Variants in TKFC observed in about 807,000 individuals in gnomAD.
TKFC encodes the protein triokinase and FMN cyclase.
TKFC carries 46 observed loss-of-function variants against 61.0 expected under a neutral mutation model. The observed-to-expected ratio is 0.75, with a 90% CI of 0.60 to 0.96. The LOEUF (loss-of-function observed/expected upper bound fraction) is 0.96. Ranked by LOEUF, TKFC falls within the 50% of genes least tolerant of loss-of-function variation. The pLI is 0.00. For missense variants in TKFC, 715 were observed against 777.5 expected (o/e 0.92, Z 0.96); for synonymous variants, 314 against 330.1 (o/e 0.95, Z 0.53).
rs143752161 is a variant in TKFC at position 61,344,145 on chromosome 11, C to G, written c.1112C>G (p.Ser371Trp). The change falls in exon 13 of 18, where the codon TCG becomes TGG. Residue 371 changes from serine to tryptophan, a missense_variant. Coordinates refer to ENST00000394900, the MANE Select transcript of TKFC (RefSeq NM_015533.4). The stretch of plus-strand genomic sequence containing the variant: ...CATCCTCCCTTTCTAGGCTCAGCCT[C>G]GAAGCGGATGGCGCTGGTGCTGGAA... ...PDSTAAGGSA[S>W]KRMALVLERV... The G allele has an allele frequency of 1.2e-6, 2 of 1,612,270 alleles. No individual in the cohort carries two copies. Among genetic ancestry groups the G allele is most frequent in the Non-Finnish European group, 1.7e-6 (2 of 1,180,000 alleles).
chr11:61,339,098 A>G lies in TKFC; in HGVS notation c.226A>G (p.Ile76Val). Residue 76 changes from isoleucine (I) to valine (V), a missense_variant, in exon 4 of 18, where the codon ATC becomes GTC. Coordinates refer to ENST00000394900, the MANE Select transcript of TKFC (RefSeq NM_015533.4). ...AGGGAAGGGGATGCTGACTGGGGTC[A>G]TCGCGGGAGCTGTGTTCACCTCCCC... is the stretch of plus-strand genomic sequence containing the variant. ...FIGKGMLTGV[I>V]AGAVFTSPAV... 1 of 1,613,662 alleles carries G rather than the reference A, an allele frequency of 6.2e-7. No homozygotes were observed. Among genetic ancestry groups the G allele is most frequent in the East Asian group, 2.2e-5 (1 of 44,880 alleles).
At position 61,338,934 on chromosome 11, in the gene TKFC, G is replaced by A. The variant is rs535539699; in HGVS notation, c.194-132G>A. 9 of 732,270 alleles carry A rather than the reference G, an allele frequency of 1.2e-5. No homozygotes were observed. In the Admixed American group the frequency reaches 2.5e-4, roughly 20 times the overall value. 45.4% of individuals were successfully genotyped at this position (732,270 alleles called of 1,614,324 possible). ...CCTAAGAAGGAGTCAGCCATGTGAA[G>A]ACCTGGGGGATCTTTGAGCACCAAG... On this transcript the variant is annotated intron_variant, in intron 3 of 17. Transcript: ENST00000394900.
downstream of TKFC, chr11:61,350,848 C>T: frequency 1.6e-6 from 2 of 1,235,510 alleles, no homozygotes; most frequent in Non-Finnish European, 2.2e-6. Context: ...TCCCCATCAG[C>T]CACCCTAACT....
rs1856458642 is a variant in TKFC at position 61,333,348 on chromosome 11, A to T, written c.-110+19A>T. The T allele has an allele frequency of 5.8e-6, 1 of 173,132 alleles. No homozygotes were observed. The highest frequency in any genetic ancestry group is 6.3e-5 in the Admixed American group (1 of 15,814). 10.7% of individuals were successfully genotyped at this position (173,132 alleles called of 1,614,324 possible). A position where few individuals can be genotyped will look rare whatever the true frequency, so the allele number is the denominator to read the frequency against. On this transcript the variant is annotated intron_variant, in intron 1 of 17. Coordinates refer to ENST00000394900, the MANE Select transcript of TKFC (RefSeq NM_015533.4). ...GGGGGAGGTGCGCCAGTGTCCTCCG[A>T]GCTCGCCCGCAGACTCCCCACCCCG...
In TKFC at chr11:61,342,822, C is replaced by T. The variant is rs778609381; in HGVS notation, c.843C>T (p.Ala281=). The T allele has an allele frequency of 4.3e-6, 7 of 1,613,954 alleles. No homozygotes were observed. The highest frequency in any genetic ancestry group is 1.6e-4 in the Middle Eastern group (1 of 6,062). The change falls in exon 10 of 18, where the codon GCC becomes GCT. Residue 281 remains alanine (A), a synonymous_variant. Transcript: ENST00000394900. ...GLSFLELGII[A]DATVRSLEGR... ...CATTCCTGGAACTGGGCATCATAGCCGACGCTACCGTCCGCTCCCTGGGTG... is the reference window on the plus strand; with the variant it reads ...CATTCCTGGAACTGGGCATCATAGCTGACGCTACCGTCCGCTCCCTGGGTG...
At chr11:61,345,409 G>A in intron 14 of TKFC, 43 bp downstream of exon 14, 2 of 1,597,100 alleles carry the variant, frequency 1.3e-6, no homozygotes, top group Non-Finnish European at 8.6e-7. Flanking sequence ...AGGTGGCTGG[G>A]CTGGCTGGGG....
In TKFC at chr11:61,346,385, T is replaced by C. The variant is rs753819124; in HGVS notation, c.1610T>C (p.Met537Thr). Residue 537 changes from methionine (M) to threonine (T), a missense_variant, in exon 18 of 18, where the codon ATG (methionine) becomes ACG (threonine). Physicochemically the swap from Met to Thr is moderately conservative, Grantham distance 81. Transcript: ENST00000394900. This position sits in a 1 kb window ranked among gnomAD's most constrained non-coding sequence, Gnocchi z 4.1. ...GCTGCAGCCGAGGCCACCAAGAATA[T>C]GGAAGCTGGAGCCGGAAGAGCCAGT... ...AEAAAEATKN[M>T]EAGAGRASYI... The C allele has an allele frequency of 3.1e-6, 5 of 1,612,504 alleles. No homozygotes were observed. The East Asian group carries it at 6.7e-5, about 22-fold the overall frequency.
Position 61,346,281 on chromosome 11 carries a change from TC to T in TKFC, c.1576-69del. ...GGGCCAGGCTGCACGGCAGAGACGTTCTGCCCATGGCAGGAAGGAGGCGGCC... is the reference window on the plus strand; with the variant it reads ...GGGCCAGGCTGCACGGCAGAGACGTTTGCCCATGGCAGGAAGGAGGCGGCC... On this transcript the variant is annotated intron_variant, in intron 17 of 17. Transcript: ENST00000394900. This position sits in a 1 kb window ranked among gnomAD's most constrained non-coding sequence, Gnocchi z 4.1. The T allele has an allele frequency of 1.2e-6, 2 of 1,604,838 alleles. No individual in the cohort carries two copies. Among genetic ancestry groups the T allele is most frequent in the Non-Finnish European group, 1.7e-6 (2 of 1,179,390 alleles).
chr11:61,338,964 C>T, intron 3 of TKFC, 102 bp from the exon 4 acceptor site: 3 of 978,248 alleles, frequency 3.1e-6, no homozygotes, highest in South Asian at 3.1e-5. Context: ...ACCAAGCACA[C>T]AGTAGGGCTC....
Position 61,337,905 on chromosome 11 carries a change from C to T in TKFC, c.4-36C>T, listed in dbSNP as rs76378932. 3.2e-6 allele frequency: 5 copies of T among 1,571,280 alleles called. No homozygotes were observed. The South Asian group carries it at 4.8e-5, about 15-fold the overall frequency. ...CGCAGGATGGGGGTATCTGTACTGA[C>T]CACATTCTGACCTCCTTCTCACTCC... On this transcript the variant is annotated intron_variant, in intron 2 of 17. Transcript: ENST00000394900.
Position 61,345,309 on chromosome 11 carries a change from G to A in TKFC, c.1290G>A (p.Gln430=), listed in dbSNP as rs1389334374. 1.2e-6 allele frequency: 2 copies of A among 1,603,858 alleles called. No homozygotes were observed. Among genetic ancestry groups the A allele is most frequent in the Admixed American group, 1.7e-5 (1 of 59,500 alleles). ...KEGPPPASPA[Q]LLSKLSVLLL... is the part of the protein sequence containing the mutation. ...GCCCACCCCCTGCCAGCCCTGCCCAGCTGCTCTCCAAGTTGTCTGTCCTGC... is the reference window on the plus strand; with the variant it reads ...GCCCACCCCCTGCCAGCCCTGCCCAACTGCTCTCCAAGTTGTCTGTCCTGC... Residue 430 remains glutamine, a synonymous_variant, in exon 14 of 18, where the codon CAG becomes CAA. Coordinates refer to ENST00000394900, the MANE Select transcript of TKFC (RefSeq NM_015533.4).
In TKFC at chr11:61,347,277, C is replaced by T. The variant is rs1251519543; in HGVS notation, c.*774C>T. ...TGCAGCCAGGCCGGGCACGGTGGCT[C>T]ACACCTGCAATCCCAGCACTTTGGG... is the stretch of plus-strand genomic sequence containing the variant. On this transcript the variant is annotated 3_prime_UTR_variant, in exon 18 of 18. Coordinates refer to ENST00000394900, the MANE Select transcript of TKFC (RefSeq NM_015533.4). The T allele has an allele frequency of 2.0e-6, 2 of 985,448 alleles. No homozygotes were observed. The highest frequency in any genetic ancestry group is 2.4e-6 in the Non-Finnish European group (2 of 829,960). 61.0% of individuals were successfully genotyped at this position (985,448 alleles called of 1,614,324 possible).
downstream of TKFC, chr11:61,350,536 A>C (rs1857351226): frequency 7.3e-7 from 1 of 1,372,442 alleles, no homozygotes; most frequent in Non-Finnish European, 1.0e-6. Context: ...CAAGCCACCA[A>C]ATCCCTCAGG....
downstream of TKFC, chr11:61,351,075 C>A (rs1057231211): frequency 6.2e-7 from 1 of 1,613,978 alleles, no homozygotes; most frequent in Non-Finnish European, 8.5e-7. Context: ...CAAAGGCCAC[C>A]ACCAGCATCC....
chr11:61,337,357 G>T (rs1030002237), intron 2 of TKFC, among the ~76,000 whole-genome samples: 1 of 152,162 alleles, frequency 6.6e-6, no homozygotes, highest in Admixed American at 6.5e-5. Context: ...TGTTGCCCAG[G>T]CCGGTCTCAA....
In TKFC at chr11:61,333,268, G is replaced by A. The variant is rs3892885; in HGVS notation, c.-171G>A. On this transcript the variant is annotated 5_prime_UTR_variant, in exon 1 of 18. Coordinates refer to ENST00000394900, the MANE Select transcript of TKFC (RefSeq NM_015533.4). ...ACCCGGATGAGAGCGCACGCTTCGG[G>A]GTCTCCGGGAAGTCGCGGCGCCTTC... 2,125 of 283,186 alleles carry A rather than the reference G, an allele frequency of 7.5e-3. 34 individuals are homozygous for A. The highest frequency in any genetic ancestry group is 0.036 in the African/African-American group (1,649 of 45,924). The allele number at this position is 283,186 out of a possible 1,614,324, so 17.5% of individuals were successfully genotyped here. A position where few individuals can be genotyped will look rare whatever the true frequency, so the allele number is the denominator to read the frequency against.
At chr11:61,337,917 C>G (rs369082702) in intron 2 of TKFC, 24 bp from the exon 3 acceptor site, 1 of 1,582,504 alleles carries the variant, frequency 6.3e-7, no homozygotes, top group African/African-American at 1.4e-5. Flanking sequence ...ACATTCTGAC[C>G]TCCTTCTCAC....
rs552361961 is a variant in TKFC, at chr11:61,346,125, C to T, written c.1575+179C>T. ...GTGGCTAAGGAAATATGTAGAGCCC[C>T]GCACACTGCCTGGGATGTGACAGGG... is the stretch of plus-strand genomic sequence containing the variant. On this transcript the variant is annotated intron_variant, in intron 17 of 17. Coordinates refer to ENST00000394900, the MANE Select transcript of TKFC (RefSeq NM_015533.4). This position sits in a 1 kb window ranked among gnomAD's most constrained non-coding sequence, Gnocchi z 4.1. The T allele has an allele frequency of 7.0e-5, 82 of 1,177,310 alleles. No homozygotes were observed. Among genetic ancestry groups the T allele is most frequent in the South Asian group, 5.8e-4 (38 of 65,204 alleles). 72.9% of individuals were successfully genotyped at this position (1,177,310 alleles called of 1,614,324 possible). A position where few individuals can be genotyped will look rare whatever the true frequency, so the allele number is the denominator to read the frequency against.
downstream of TKFC, chr11:61,353,309 C>T: frequency 1.2e-6 from 1 of 832,372 alleles, no homozygotes; most frequent in Non-Finnish European, 1.8e-6. Flanking sequence ...TGGCCTATTA[C>T]CCAAGCAACA....
Sources: allele counts gnomAD v4.1 joint callset (sites outside exome capture counted in the v4.1 genomes callset), GRCh38; gene constraint gnomAD v4.1.1; non-coding constraint Gnocchi (gnomAD v3.1); transcripts MANE v1.5; gene names NCBI Gene and HGNC (gene_info 2026-07-23, HGNC 2026-07-21).